GTF2E2: variants seen among roughly 807,000 people sequenced by gnomAD.
GTF2E2 encodes the protein transcription initiation factor IIE subunit beta.
Under a neutral mutation model 40.5 loss-of-function variants are expected in GTF2E2, and 21 were observed. The observed-to-expected ratio is 0.52, with a 90% CI of 0.37 to 0.75. GTF2E2 has a LOEUF of 0.75. Ranked by LOEUF, GTF2E2 falls within the 30% of genes least tolerant of loss-of-function variation. The pLI is 0.00. For missense variants in GTF2E2, 298 were observed against 338.4 expected (o/e 0.88, Z 0.94); for synonymous variants, 117 against 121.6 (o/e 0.96, Z 0.25).
At chr8:30,613,548 A>G (rs1454600022) in intron 4 of GTF2E2, among the ~76,000 whole-genome samples, 1 of 152,248 alleles carries the variant, frequency 6.6e-6, no homozygotes. Context: ...TAAAATGATC[A>G]AAGTCATTGT....
At chr8:30,603,671 T>C (rs1411293765) in intron 6 of GTF2E2, among the ~76,000 whole-genome samples, 15 of 151,850 alleles carry the variant, frequency 9.9e-5, no homozygotes, top group Admixed American at 9.8e-4. Flanking sequence ...AACAAAAACA[T>C]AAAAGTTGTG....
At chr8:30,627,290 T>C (rs951821190) in intron 3 of GTF2E2, among the ~76,000 whole-genome samples, 2 of 152,182 alleles carry the variant, frequency 1.3e-5, no homozygotes, top group African/African-American at 4.8e-5. Context: ...GAAAAATTTT[T>C]GTGCTGCAAA....
intron 6 of GTF2E2, among the ~76,000 whole-genome samples, chr8:30,594,140 T>A (rs1202315157): frequency 6.6e-6 from 1 of 151,960 alleles, no homozygotes; most frequent in African/African-American, 2.4e-5. Flanking sequence ...CCATGTTGGC[T>A]AGGCTGGTCT....
chr8:30,639,712 C>G (rs914525785), intron 2 of GTF2E2, among the ~76,000 whole-genome samples: 2 of 151,972 alleles, frequency 1.3e-5, no homozygotes, highest in African/African-American at 4.8e-5. Context: ...CCTAAAGAGC[C>G]AGCTTCTGTC....
chr8:30,628,369 A>G (rs752801128), intron 3 of GTF2E2, among the ~76,000 whole-genome samples: 2 of 152,220 alleles, frequency 1.3e-5, no homozygotes, highest in Non-Finnish European at 2.9e-5. Flanking sequence ...GCAGGCTAAT[A>G]AGCTGGGCGA....
intron 2 of GTF2E2, among the ~76,000 whole-genome samples, chr8:30,643,216 T>C (rs1473948225): frequency 1.3e-5 from 2 of 152,180 alleles, no homozygotes; most frequent in Non-Finnish European, 2.9e-5. Flanking sequence ...TGGTTATGTT[T>C]AAAAATAGAG....
rs1228965035 is a variant in GTF2E2, at chr8:30,643,375, G to A, written c.167-8252C>T. On this transcript the variant is annotated intron_variant, in intron 2 of 7. Transcript: ENST00000355904. ...ATGAAGTTGCATTATAAGTACATGG[G>A]AGGCCAGGCGCAGTGGCTCACGCCT... 2 of 152,256 alleles carry A rather than the reference G, an allele frequency of 1.3e-5. 1 individual carries two copies. 9.4% of individuals were successfully genotyped at this position (152,256 alleles called of 1,614,324 possible).
chr8:30,639,067 G>C (rs771902421), intron 2 of GTF2E2, among the ~76,000 whole-genome samples: 1 of 152,160 alleles, frequency 6.6e-6, no homozygotes, highest in Non-Finnish European at 1.5e-5. Flanking sequence ...ATGTGCAAAT[G>C]ATATTGGCTG....
chr8:30,623,573 T>A (rs1451769380), intron 3 of GTF2E2, among the ~76,000 whole-genome samples: 1 of 152,060 alleles, frequency 6.6e-6, no homozygotes, highest in Admixed American at 6.5e-5. Flanking sequence ...TAGTTCTAGA[T>A]CCCTGAGGAA....
intron 2 of GTF2E2, among the ~76,000 whole-genome samples, chr8:30,651,427 G>C (rs1444531833): frequency 6.6e-6 from 1 of 151,726 alleles, no homozygotes; most frequent in Non-Finnish European, 1.5e-5. Flanking sequence ...AAAAATCAAA[G>C]AAAACAATTT....
intron 2 of GTF2E2, among the ~76,000 whole-genome samples, chr8:30,651,805 T>C (rs893347124): frequency 1.3e-5 from 2 of 152,212 alleles, no homozygotes; most frequent in African/African-American, 4.8e-5. Context: ...TGGACTTACA[T>C]TTCTCAGTCT....
intron 3 of GTF2E2, among the ~76,000 whole-genome samples, chr8:30,628,909 C>A (rs1261403423): frequency 2.1e-5 from 3 of 140,972 alleles, no homozygotes; most frequent in Non-Finnish European, 4.6e-5. Context: ...CCAGCCTGGG[C>A]AAGAGAGTGA....
intron 3 of GTF2E2, among the ~76,000 whole-genome samples, chr8:30,619,319 A>G (rs1801015378): frequency 1.3e-5 from 2 of 151,912 alleles, no homozygotes. Context: ...AAACCCTTCT[A>G]TGAGTTTAAA....
In GTF2E2 at chr8:30,658,220, G is replaced by A. The variant is rs895450570; in HGVS notation, c.-252C>T. ...GACTCCGCCCGCCACTTCCCGATCG[G>A]GTGCTAGGAGCTCAGTCCCGGCAGC... is the stretch of plus-strand genomic sequence containing the variant. On this transcript the variant is annotated 5_prime_UTR_variant, in exon 1 of 8. Coordinates refer to ENST00000355904, the MANE Select transcript of GTF2E2 (RefSeq NM_002095.6). The A allele has an allele frequency of 2.8e-4, 49 of 175,640 alleles. 1 individual carries two copies. The highest frequency in any genetic ancestry group is 2.5e-3 in the Admixed American group (38 of 15,410). 10.9% of individuals were successfully genotyped at this position (175,640 alleles called of 1,614,324 possible). A position where few individuals can be genotyped will look rare whatever the true frequency, so the allele number is the denominator to read the frequency against.
intron 3 of GTF2E2, among the ~76,000 whole-genome samples, chr8:30,616,233 C>A (rs906190109): frequency 5.3e-5 from 8 of 151,958 alleles, no homozygotes; most frequent in African/African-American, 1.9e-4. Flanking sequence ...GTAAGGAGAT[C>A]GAGACCATCC....
intron 6 of GTF2E2, among the ~76,000 whole-genome samples, chr8:30,589,632 A>T (rs1585937787): frequency 6.6e-6 from 1 of 152,374 alleles, no homozygotes; most frequent in South Asian, 2.1e-4. Context: ...CTTCATCCTC[A>T]ACATTTCAAC....
At chr8:30,612,031 T>C (rs759113743) in intron 5 of GTF2E2, among the ~76,000 whole-genome samples, 2 of 152,196 alleles carry the variant, frequency 1.3e-5, no homozygotes, top group Non-Finnish European at 2.9e-5. Flanking sequence ...CTCTATTGCC[T>C]TTGAGGAAAA....
chr8:30,613,873 CACTG>C (rs565280310), intron 4 of GTF2E2, among the ~76,000 whole-genome samples: 399 of 152,288 alleles, frequency 2.6e-3, no homozygotes, highest in African/African-American at 9.2e-3. Context: ...TTAGCATGGT[CACTG>C]ACTGCGTTGG....
chr8:30,621,462 T>C (rs1030016636), intron 3 of GTF2E2, among the ~76,000 whole-genome samples: 10 of 152,094 alleles, frequency 6.6e-5, no homozygotes, highest in African/African-American at 7.3e-5. Flanking sequence ...TGAAAATCCC[T>C]TCCTCATAGA....
Sources: allele counts gnomAD v4.1 joint callset (sites outside exome capture counted in the v4.1 genomes callset), GRCh38; gene constraint gnomAD v4.1.1; transcripts MANE v1.5; gene names NCBI Gene and HGNC (gene_info 2026-07-23, HGNC 2026-07-21).